The following SYPL1 variants were observed in gnomAD, a reference collection of about 807,000 sequenced individuals.
The protein encoded by SYPL1 is synaptophysin like 1.
Under a neutral mutation model 23.7 loss-of-function variants are expected in SYPL1, and 6 were observed. The ratio of observed to expected loss-of-function variants is 0.25; its 90% CI spans 0.14 to 0.50. The LOEUF (loss-of-function observed/expected upper bound fraction) is 0.50, where lower values mean the gene tolerates loss of function less well. Ranked by LOEUF, SYPL1 falls within the 20% of genes least tolerant of loss-of-function variation. SYPL1 has a pLI of 0.98. For synonymous variants in SYPL1, 102 were observed against 104.5 expected (o/e 0.98, Z 0.15); for missense variants, 253 against 288.9 (o/e 0.88, Z 0.90).
Position 106,091,722 on chromosome 7 carries a change from T to G in SYPL1, c.*83A>C. 12 of 1,411,554 alleles carry G rather than the reference T, an allele frequency of 8.5e-6. No homozygotes were observed. Among genetic ancestry groups the G allele is most frequent in the Middle Eastern group, 2.0e-4 (1 of 5,112 alleles). The allele number at this position is 1,411,554 out of a possible 1,614,324, so 87.4% of individuals were successfully genotyped here. ...ATATTGACAAAGCCATTACTTTTAT[T>G]AGAAACAAATAATGCTTCTCAAGGT... On this transcript the variant is annotated 3_prime_UTR_variant, in exon 5 of 5. Transcript: ENST00000455385. This position sits in a 1 kb window ranked among gnomAD's most constrained non-coding sequence, Gnocchi z 5.0.
rs1236888596 is a variant in SYPL1, at chr7:106,100,829, A to G, written c.70-1547T>C. Among the ~76,000 whole-genome samples the G allele has an allele frequency of 2.0e-5, 3 of 152,160 alleles. No homozygotes were observed. The highest frequency in any genetic ancestry group is 1.3e-4 in the Admixed American group (2 of 15,276). ...GTTATCCTTTGCTCAAAACCCTCCA[A>G]TGGCTTTTGAGCTCTCTATGAATAA... On this transcript the variant is annotated intron_variant, in intron 1 of 4. Transcript: ENST00000455385. The surrounding 1 kb of genome is among the most constrained non-coding windows in gnomAD (Gnocchi z 5.1).
chr7:106,094,917 C>T (rs187301219), intron 3 of SYPL1, among the ~76,000 whole-genome samples: 3 of 152,278 alleles, frequency 2.0e-5, no homozygotes, highest in Admixed American at 6.5e-5. Flanking sequence ...ATTCTGGTCC[C>T]TTCAGATAGT....
At chr7:106,099,509 A>C (rs1840203865) in intron 1 of SYPL1, among the ~76,000 whole-genome samples, 1 of 151,998 alleles carries the variant, frequency 6.6e-6, no homozygotes, top group East Asian at 1.9e-4. Flanking sequence ...CTCCCACCTC[A>C]GTCCCCCAAG....
intron 1 of SYPL1, among the ~76,000 whole-genome samples, chr7:106,099,899 C>T (rs1840225272): frequency 1.3e-5 from 2 of 152,154 alleles, no homozygotes; most frequent in Non-Finnish European, 2.9e-5. Context: ...CATTCATTTG[C>T]AAACCTCGAC....
rs1171216728 is a variant in SYPL1 at position 106,104,381 on chromosome 7, A to G, written c.70-5099T>C. 6.6e-6 allele frequency among the ~76,000 whole-genome samples: 1 copy of G among 152,180 alleles called. No individual in the cohort carries two copies. Among genetic ancestry groups the G allele is most frequent in the Non-Finnish European group, 1.5e-5 (1 of 68,028 alleles). ...CAACACAGTGAGACCCTGTCTTAAAAATAAAATAAAATAAAAAAATTAAAT... is the reference window on the plus strand; with the variant it reads ...CAACACAGTGAGACCCTGTCTTAAAGATAAAATAAAATAAAAAAATTAAAT... On this transcript the variant is annotated intron_variant, in intron 1 of 4. Transcript: ENST00000455385. This position sits in a 1 kb window ranked among gnomAD's most constrained non-coding sequence, Gnocchi z 4.1.
At position 106,097,521 on chromosome 7, in the gene SYPL1, T is replaced by TA. The variant is rs920316175; in HGVS notation, c.402+168dup. 6.6e-6 allele frequency among the ~76,000 whole-genome samples: 1 copy of TA among 152,046 alleles called. No individual in the cohort carries two copies. The highest frequency in any genetic ancestry group is 2.4e-5 in the African/African-American group (1 of 41,424). ...AACTTTCCTTATAGTGCAAATAGGC[T>TA]AAAAAAAATTGAGTTAAACTTAATG... On this transcript the variant is annotated intron_variant, in intron 3 of 4. Transcript: ENST00000455385. This position sits in a 1 kb window ranked among gnomAD's most constrained non-coding sequence, Gnocchi z 4.6.
intron 1 of SYPL1, among the ~76,000 whole-genome samples, chr7:106,102,055 T>C (rs1479882065): frequency 6.6e-6 from 1 of 151,980 alleles, no homozygotes; most frequent in Admixed American, 6.6e-5. Flanking sequence ...GTAGAAGAAA[T>C]GGGATGTCTT....
chr7:106,103,424 AG>A (rs1840429883), intron 1 of SYPL1, among the ~76,000 whole-genome samples: 8 of 152,350 alleles, frequency 5.3e-5, no homozygotes. Context: ...GGACTAACCC[AG>A]CAGACTCTTT....
At position 106,100,752 on chromosome 7, in the gene SYPL1, T is replaced by G. The variant is rs1023906410; in HGVS notation, c.70-1470A>C. Among the ~76,000 whole-genome samples, 2 of 152,194 alleles carry G rather than the reference T, an allele frequency of 1.3e-5. No homozygotes were observed. Among genetic ancestry groups the G allele is most frequent in the Non-Finnish European group, 2.9e-5 (2 of 68,022 alleles). Reference sequence around the variant, plus strand: ...TTCTGCCCTTGCCCCAGCTTCAGTCTGTTATCAACACAACAGCCAAGACAA... The same window carrying G: ...TTCTGCCCTTGCCCCAGCTTCAGTCGGTTATCAACACAACAGCCAAGACAA... On this transcript the variant is annotated intron_variant, in intron 1 of 4. Coordinates refer to ENST00000455385, the MANE Select transcript of SYPL1 (RefSeq NM_182715.4). The surrounding 1 kb of genome is among the most constrained non-coding windows in gnomAD (Gnocchi z 5.1).
At chr7:106,110,398 C>A (rs1242679619) in intron 1 of SYPL1, among the ~76,000 whole-genome samples, 1 of 152,214 alleles carries the variant, frequency 6.6e-6, no homozygotes, top group Non-Finnish European at 1.5e-5. Context: ...AGCAAATGCT[C>A]TCTCCCTCAT....
chr7:106,108,442 TC>T (rs1451240718), intron 1 of SYPL1, among the ~76,000 whole-genome samples: 1 of 152,164 alleles, frequency 6.6e-6, no homozygotes, highest in Non-Finnish European at 1.5e-5. Context: ...GATTGTCCCC[TC>T]CTGCTTCTAT....
chr7:106,093,922 A>G (rs561580424), intron 3 of SYPL1, among the ~76,000 whole-genome samples: 3 of 152,370 alleles, frequency 2.0e-5, no homozygotes, highest in African/African-American at 7.2e-5. Context: ...TATTTATTAC[A>G]AAGAATGGGA....
Position 106,096,971 on chromosome 7 carries a change from T to G in SYPL1, c.402+719A>C, listed in dbSNP as rs1840046181. Among the ~76,000 whole-genome samples the G allele has an allele frequency of 6.6e-6, 1 of 151,822 alleles. No individual in the cohort carries two copies. Among genetic ancestry groups the G allele is most frequent in the South Asian group, 2.1e-4 (1 of 4,830 alleles). ...GGCCACACCTATAACCCCCAGCACT[T>G]TGGGAGGCCAAGGCAGGCAGATCAC... On this transcript the variant is annotated intron_variant, in intron 3 of 4. Coordinates refer to ENST00000455385, the MANE Select transcript of SYPL1 (RefSeq NM_182715.4). This position sits in a 1 kb window ranked among gnomAD's most constrained non-coding sequence, Gnocchi z 4.4.
In SYPL1 at chr7:106,090,522, A is replaced by C. The variant is rs1190324186; in HGVS notation, c.*1283T>G. ...GTGCACTCTTTCTTTCAACTCCTTTATTAAATTGGTTGCAAAAAAGATATA... is the reference window on the plus strand; with the variant it reads ...GTGCACTCTTTCTTTCAACTCCTTTCTTAAATTGGTTGCAAAAAAGATATA... On this transcript the variant is annotated 3_prime_UTR_variant, in exon 5 of 5. Transcript: ENST00000455385. 1 of 152,576 alleles carries C rather than the reference A, an allele frequency of 6.6e-6. No homozygotes were observed. The highest frequency in any genetic ancestry group is 1.5e-5 in the Non-Finnish European group (1 of 68,032). The allele number at this position is 152,576 out of a possible 1,614,324, so 9.5% of individuals were successfully genotyped here.
chr7:106,094,484 G>A (rs764664321), intron 3 of SYPL1, among the ~76,000 whole-genome samples: 2 of 152,174 alleles, frequency 1.3e-5, no homozygotes, highest in Non-Finnish European at 2.9e-5. Context: ...TGAGCTCTCT[G>A]CTGCTACTTG....
chr7:106,107,963 G>C (rs2116202459), intron 1 of SYPL1, among the ~76,000 whole-genome samples: 1 of 152,174 alleles, frequency 6.6e-6, no homozygotes, highest in Non-Finnish European at 1.5e-5. Context: ...GGGAGGCCGA[G>C]GCGGGTGGAT....
At chr7:106,098,595 A>ATTT (rs2116120565) in intron 2 of SYPL1, among the ~76,000 whole-genome samples, 1 of 152,350 alleles carries the variant, frequency 6.6e-6, no homozygotes, top group African/African-American at 2.4e-5. Context: ...CCTGGCTTAA[A>ATTT]CACAGGACAT....
intron 1 of SYPL1, 139 bp downstream of exon 1, chr7:106,112,001 G>A: frequency 1.9e-6 from 2 of 1,073,680 alleles, no homozygotes; most frequent in South Asian, 4.6e-5. Context: ...TGCCCTCCCT[G>A]CCGTCCACTC....
chr7:106,110,536 G>A (rs1269275257), intron 1 of SYPL1, among the ~76,000 whole-genome samples: 1 of 152,178 alleles, frequency 6.6e-6, no homozygotes, highest in Non-Finnish European at 1.5e-5. Context: ...GTATGCTAGT[G>A]TTTAGTACAG....
Sources: gnomAD v4.1 joint callset for allele counts (sites outside exome capture counted in the v4.1 genomes callset) on GRCh38, gnomAD v4.1.1 for gene constraint, Gnocchi (gnomAD v3.1) non-coding constraint, MANE v1.5 for transcripts, NCBI Gene and HGNC (gene_info 2026-07-23, HGNC 2026-07-21) for gene names.